CDKL3: variants seen among roughly 807,000 people sequenced by gnomAD.
CDKL3 encodes the protein cyclin-dependent kinase-like 3.
Under a neutral mutation model 69.3 loss-of-function variants are expected in CDKL3, and 65 were observed. The observed-to-expected ratio is 0.94, with a 90% CI of 0.77 to 1.15. The LOEUF is 1.15. Among genes scored for constraint, CDKL3 ranks in the 50% most tolerant of loss-of-function variants. The pLI is 0.00. For synonymous variants in CDKL3, 202 were observed against 221.6 expected (o/e 0.91, Z 0.79); for missense variants, 652 against 689.2 (o/e 0.95, Z 0.61).
chr5:134,297,775 T>G (rs1765436359), downstream of CDKL3, among the ~76,000 whole-genome samples: 1 of 151,364 alleles, frequency 6.6e-6, no homozygotes. Flanking sequence ...AGAGATGGGG[T>G]TTCTCCATGT....
intron 6 of CDKL3, among the ~76,000 whole-genome samples, chr5:134,316,898 A>C (rs1227194515): frequency 6.6e-6 from 1 of 152,094 alleles, no homozygotes; most frequent in African/African-American, 2.4e-5. Flanking sequence ...GAAGTTTGTA[A>C]ACCAAATTGA....
chr5:134,321,221 AG>A (rs976869774), intron 5 of CDKL3, among the ~76,000 whole-genome samples: 5 of 151,920 alleles, frequency 3.3e-5, no homozygotes, highest in African/African-American at 9.7e-5. Context: ...TATGTTGGTC[AG>A]GTTGGTCTCC....
At position 134,337,341 on chromosome 5, in the gene CDKL3, C is replaced by T. The variant is rs575146138; in HGVS notation, c.539+12908G>A. 2.0e-3 allele frequency among the ~76,000 whole-genome samples: 309 copies of T among 152,312 alleles called. 4 individuals are homozygous for T. Among genetic ancestry groups the T allele is most frequent in the Non-Finnish European group, 6.0e-4 (41 of 68,036 alleles). ...GGCGACGCCCCTCCCTGCTTCGGCT[C>T]GCCCTCTGTGGGCCGTACCCACTGT... On this transcript the variant is annotated intron_variant, in intron 4 of 12. Coordinates refer to ENST00000265334, the MANE Select transcript of CDKL3 (RefSeq NM_001113575.2).
chr5:134,371,358 C>G, upstream of CDKL3: 1 of 616,288 alleles, frequency 1.6e-6, no homozygotes, highest in South Asian at 1.9e-5. Flanking sequence ...TCGGGGAAGG[C>G]GCGCTCCCGC....
chr5:134,292,059 T>G (rs1027990068), intron 8 of CDKL3, among the ~76,000 whole-genome samples: 2 of 152,176 alleles, frequency 1.3e-5, no homozygotes, highest in Non-Finnish European at 2.9e-5. Flanking sequence ...CCCTCAGCAA[T>G]TGATTCAAAA....
At chr5:134,350,152 C>T in intron 4 of CDKL3, 97 bp downstream of exon 4, 1 of 917,762 alleles carries the variant, frequency 1.1e-6, no homozygotes, top group Non-Finnish European at 1.6e-6. Context: ...TGCACCACTG[C>T]ATTCCAGCCT....
upstream of CDKL3, chr5:134,371,473 T>TAGGCGGCGG (rs532957463): frequency 8.9e-7 from 1 of 1,124,426 alleles, no homozygotes; most frequent in African/African-American, 1.9e-5. Flanking sequence ...TTTGTCAGTC[T>TAGGCGGCGG]CGGCGGCGGC....
At chr5:134,341,856 G>A (rs1750572210) in intron 4 of CDKL3, among the ~76,000 whole-genome samples, 1 of 152,232 alleles carries the variant, frequency 6.6e-6, no homozygotes, top group Non-Finnish European at 1.5e-5. Flanking sequence ...GTATGTAACT[G>A]TCACACCTGG....
At position 134,350,413 on chromosome 5, in the gene CDKL3, A is replaced by G. The variant is rs760776424; in HGVS notation, c.375T>C (p.Asp125=). 12 of 1,548,160 alleles carry G rather than the reference A, an allele frequency of 7.8e-6. No individual in the cohort carries two copies. Among genetic ancestry groups the G allele is most frequent in the South Asian group, 1.2e-5 (1 of 83,358 alleles). Residue 125 remains aspartate (D), a synonymous_variant, in exon 4 of 13, where the codon GAT becomes GAC. Transcript: ENST00000265334. Reference sequence around the variant, plus strand: ...ATACTAAAATATTCTCAGGTTTTATATCTCGATGAATGATCTAAAAAACAA... The same window carrying G: ...ATACTAAAATATTCTCAGGTTTTATGTCTCGATGAATGATCTAAAAAACAA... ...YLHSNNIIHR[D]IKPENILVSQ... is the part of the protein sequence containing the mutation.
chr5:134,336,818 T>C (rs1405940493), intron 4 of CDKL3, among the ~76,000 whole-genome samples: 2 of 152,198 alleles, frequency 1.3e-5, no homozygotes, highest in East Asian at 3.8e-4. Context: ...CTGTCTGTTA[T>C]CGGAGCTCAG....
At chr5:134,288,499 TTA>T (rs906354846) in intron 8 of CDKL3, among the ~76,000 whole-genome samples, 1 of 152,188 alleles carries the variant, frequency 6.6e-6, no homozygotes, top group African/African-American at 2.4e-5. Flanking sequence ...CATGCCAACT[TTA>T]TGTCTAAATA....
chr5:134,288,944 CTT>C (rs1314254936), intron 8 of CDKL3, among the ~76,000 whole-genome samples: 2 of 144,968 alleles, frequency 1.4e-5, no homozygotes. Flanking sequence ...GTTCAATAAA[CTT>C]TTTTTTTTTT....
chr5:134,311,445 G>A (rs1179907607), intron 7 of CDKL3, among the ~76,000 whole-genome samples: 3 of 151,972 alleles, frequency 2.0e-5, no homozygotes, highest in Non-Finnish European at 4.4e-5. Flanking sequence ...ATGGAGGTTT[G>A]TAGTCAGCCG....
chr5:134,334,141 G>C (rs1358598617), intron 4 of CDKL3, among the ~76,000 whole-genome samples: 1 of 152,050 alleles, frequency 6.6e-6, no homozygotes, highest in Non-Finnish European at 1.5e-5. Context: ...TATTTCTGTG[G>C]GATCAGTGGT....
In CDKL3 at chr5:134,304,004, G is replaced by A. The variant is rs551779305; in HGVS notation, c.1621+401C>T. On this transcript the variant is annotated intron_variant, in intron 11 of 12. Transcript: ENST00000265334. The stretch of plus-strand genomic sequence containing the variant: ...AGTGCAGTACAGTGGCGTGATCATG[G>A]CTCACTGCAGTCTCAACTTCCTGGG... 2.6e-5 allele frequency among the ~76,000 whole-genome samples: 4 copies of A among 151,570 alleles called. No individual in the cohort carries two copies. In the South Asian group the frequency reaches 8.4e-4, roughly 32 times the overall value.
intron 4 of CDKL3, among the ~76,000 whole-genome samples, chr5:134,335,989 G>C (rs1777011352): frequency 6.6e-6 from 1 of 152,096 alleles, no homozygotes. Flanking sequence ...TTTTCACATA[G>C]TCCCATATTT....
chr5:134,311,134 T>C (rs538821971), intron 7 of CDKL3, among the ~76,000 whole-genome samples: 6 of 152,282 alleles, frequency 3.9e-5, no homozygotes, highest in African/African-American at 1.4e-4. Context: ...TCATAGGCAA[T>C]GTGGGGCACA....
upstream of CDKL3, among the ~76,000 whole-genome samples, chr5:134,370,075 G>A (rs1758192289): frequency 6.6e-6 from 1 of 152,194 alleles, no homozygotes; most frequent in South Asian, 2.1e-4. Context: ...GAAGCAGAGA[G>A]GGAATTCAGG....
intron 4 of CDKL3, among the ~76,000 whole-genome samples, chr5:134,331,332 T>A (rs945969687): frequency 6.6e-6 from 1 of 152,148 alleles, no homozygotes; most frequent in African/African-American, 2.4e-5. Flanking sequence ...TACTATAAAG[T>A]TCTAGGGTAC....
Sources: allele counts gnomAD v4.1 joint callset (sites outside exome capture counted in the v4.1 genomes callset), GRCh38; gene constraint gnomAD v4.1.1; transcripts MANE v1.5; gene names NCBI Gene and HGNC (gene_info 2026-07-23, HGNC 2026-07-21).